SETD4: variants seen among roughly 807,000 people sequenced by gnomAD.
SETD4 encodes SET domain containing 4, also known as SET domain-containing protein 4.
In SETD4, 46 loss-of-function variants were observed where a neutral mutation model predicts 58.3. The observed-to-expected ratio is 0.79, with a 90% CI of 0.62 to 1.01. The LOEUF is 1.01. Among genes scored for constraint, SETD4 ranks in the 50% least tolerant of loss-of-function variants. The pLI, the probability that SETD4 is intolerant of heterozygous loss-of-function variation, is 0.00. For missense variants in SETD4, 490 were observed against 523.3 expected (o/e 0.94, Z 0.62); for synonymous variants, 190 against 202.6 (o/e 0.94, Z 0.53).
rs573296484 is a variant in SETD4 at position 36,041,700 on chromosome 21, C to A, written c.983+107G>T. ...TAAGTGCTCAATACCTACCCGTCAG[C>A]TGATACAGGGTCAGGAGGGGTCTCA... On this transcript the variant is annotated intron_variant, in intron 8 of 11. Transcript: ENST00000332131. 20 of 711,386 alleles carry A rather than the reference C, an allele frequency of 2.8e-5. No individual in the cohort carries two copies. The African/African-American group carries it at 3.3e-4, about 12-fold the overall frequency. 44.1% of individuals were successfully genotyped at this position (711,386 alleles called of 1,614,324 possible). A position where few individuals can be genotyped will look rare whatever the true frequency, so the allele number is the denominator to read the frequency against.
At chr21:36,055,209 T>C (rs1218972912) in intron 3 of SETD4, among the ~76,000 whole-genome samples, 1 of 152,196 alleles carries the variant, frequency 6.6e-6, no homozygotes, top group African/African-American at 2.4e-5. Context: ...TCTCCAAACA[T>C]ATATATGAAC....
At position 36,039,627 on chromosome 21, in the gene SETD4, G is replaced by A. The variant is rs763658777; in HGVS notation, c.1064+948C>T. Among the ~76,000 whole-genome samples the A allele has an allele frequency of 5.9e-5, 9 of 152,230 alleles. No homozygotes were observed. The East Asian group carries it at 1.3e-3, about 23-fold the overall frequency. Reference sequence around the variant, plus strand: ...AACCGCATGTCCCAACACTAGGTACGTTTGCATGCACCTCAGATTTGCCTC... The same window carrying A: ...AACCGCATGTCCCAACACTAGGTACATTTGCATGCACCTCAGATTTGCCTC... On this transcript the variant is annotated intron_variant, in intron 9 of 11. Transcript: ENST00000332131.
intron 4 of SETD4, chr21:36,052,863 C>G (rs920733491): frequency 6.6e-6 from 1 of 152,170 alleles, no homozygotes; most frequent in Non-Finnish European, 1.5e-5. Flanking sequence ...CAGCTGAAGG[C>G]AACTCTGGCC....
chr21:36,045,462 G>C, intron 6 of SETD4, 120 bp downstream of exon 6: 1 of 1,253,512 alleles, frequency 8.0e-7, no homozygotes, highest in Non-Finnish European at 1.1e-6. Flanking sequence ...AACCTGACAG[G>C]GTCACCTGAA....
chr21:36,059,660 C>T (rs1481258168), intron 1 of SETD4: 2 of 875,352 alleles, frequency 2.3e-6, no homozygotes, highest in Non-Finnish European at 1.4e-6. Context: ...TGCACTCCAA[C>T]CTGGGCGACA....
At chr21:36,046,131 T>A in intron 5 of SETD4, 120 bp from the exon 6 acceptor site, 1 of 1,065,662 alleles carries the variant, frequency 9.4e-7, no homozygotes, top group Non-Finnish European at 1.3e-6. Flanking sequence ...TCAGTTTACT[T>A]AACAGACTCA....
chr21:36,052,651 T>G (rs2064776323), intron 4 of SETD4, among the ~76,000 whole-genome samples: 1 of 151,970 alleles, frequency 6.6e-6, no homozygotes, highest in African/African-American at 2.4e-5. Context: ...GTGCAAGTTT[T>G]AAATAGAGAA....
At chr21:36,048,238 G>T in intron 5 of SETD4, 70 bp downstream of exon 5, 2 of 1,189,828 alleles carry the variant, frequency 1.7e-6, no homozygotes, top group South Asian at 1.2e-5. Flanking sequence ...TGTCTCAAGT[G>T]ACATATTTGC....
intron 4 of SETD4, among the ~76,000 whole-genome samples, chr21:36,048,924 T>C (rs2064492543): frequency 6.6e-6 from 1 of 152,108 alleles, no homozygotes; most frequent in Non-Finnish European, 1.5e-5. Context: ...TTCACCTATT[T>C]CTTCACTTTC....
chr21:36,045,608 G>A lies in SETD4; in HGVS notation c.700C>T (p.Leu234=), dbSNP rs780780812. ...TGGACATGTGGGCTATGATTCAGCA[G>A]GTCCAGGTACGGAGCGAGTGCACAG... ...DTCALAPYLD[L]LNHSPHVQVK... is the part of the protein sequence containing the mutation. Residue 234 remains leucine (L), a synonymous_variant, in exon 6 of 12, where the codon CTG becomes TTG. Transcript: ENST00000332131. 14 of 1,613,860 alleles carry A rather than the reference G, an allele frequency of 8.7e-6. No homozygotes were observed. Among genetic ancestry groups the A allele is most frequent in the African/African-American group, 1.3e-5 (1 of 74,914 alleles).
At position 36,058,752 on chromosome 21, in the gene SETD4, G is replaced by A. The variant is rs895019100; in HGVS notation, c.73+64C>T. 4.6e-6 allele frequency: 7 copies of A among 1,510,430 alleles called. No individual in the cohort carries two copies. In the African/African-American group the frequency reaches 7.1e-5, roughly 15 times the overall value. The allele number at this position is 1,510,430 out of a possible 1,614,324, so 93.6% of individuals were successfully genotyped here. Reference sequence around the variant, plus strand: ...AAAGAAAGAAAGAAAAGCTACGTATGAACAAACAAGCAATCACAAAAGGAT... The same window carrying A: ...AAAGAAAGAAAGAAAAGCTACGTATAAACAAACAAGCAATCACAAAAGGAT... On this transcript the variant is annotated intron_variant, in intron 2 of 11. Coordinates refer to ENST00000332131, the MANE Select transcript of SETD4 (RefSeq NM_017438.5).
chr21:36,044,909 T>C (rs1001957407), intron 6 of SETD4, among the ~76,000 whole-genome samples: 5 of 152,184 alleles, frequency 3.3e-5, no homozygotes, highest in African/African-American at 1.2e-4. Flanking sequence ...CCTCTACCCC[T>C]GCATGCCCTG....
rs1193457015 is a variant in SETD4 at position 36,045,948 on chromosome 21, A to C, written c.360T>G (p.Ala120=). 3.1e-6 allele frequency: 5 copies of C among 1,614,122 alleles called. No homozygotes were observed. The highest frequency in any genetic ancestry group is 3.4e-6 in the Non-Finnish European group (4 of 1,180,044). Residue 120 remains alanine (A), a synonymous_variant, in exon 6 of 12, where the codon GCT becomes GCG. Transcript: ENST00000332131. ...LCTFLVSEKH[A]GHRSLWKPYL... ...AAGGCTTCCAAAGAGATCGGTGCCC[A>C]GCATGCTTTTCTGAAACTAAAAAGG...
intron 5 of SETD4, among the ~76,000 whole-genome samples, chr21:36,046,730 C>T (rs2064349259): frequency 6.6e-6 from 1 of 152,208 alleles, no homozygotes; most frequent in Non-Finnish European, 1.5e-5. Flanking sequence ...TTTTTACTTG[C>T]ACAATTGCCG....
chr21:36,060,109 C>G, intron 1 of SETD4: 1 of 985,628 alleles, frequency 1.0e-6, no homozygotes, highest in Non-Finnish European at 1.2e-6. Context: ...CATCGGACCT[C>G]GGGCCTCAGG....
In SETD4 at chr21:36,053,724, G is replaced by A. The variant is rs186174068; in HGVS notation, c.170-104C>T. 3.3e-4 allele frequency: 374 copies of A among 1,125,838 alleles called. 1 individual carries two copies. The highest frequency in any genetic ancestry group is 1.5e-5 in the Non-Finnish European group (11 of 754,186). The allele number at this position is 1,125,838 out of a possible 1,614,324, so 69.7% of individuals were successfully genotyped here. On this transcript the variant is annotated intron_variant, in intron 3 of 11. Coordinates refer to ENST00000332131, the MANE Select transcript of SETD4 (RefSeq NM_017438.5). Reference sequence around the variant, plus strand: ...AATGTGAACTTCAAAATTACACAAGGCTGAAGCTGGATGTCTCTCAGCCTT... The same window carrying A: ...AATGTGAACTTCAAAATTACACAAGACTGAAGCTGGATGTCTCTCAGCCTT...
intron 7 of SETD4, chr21:36,043,561 G>A: frequency 7.3e-7 from 1 of 1,377,294 alleles, no homozygotes; most frequent in Non-Finnish European, 9.3e-7. Context: ...CTGACCCAAT[G>A]CAATGAAAAC....
chr21:36,060,316 G>A (rs182517528), intron 1 of SETD4, 31 bp downstream of exon 1: 15 of 228,778 alleles, frequency 6.6e-5, no homozygotes, highest in Non-Finnish European at 1.4e-5. Context: ...CGGGCAACTG[G>A]AGGCCCGACC....
chr21:36,047,161 A>G (rs1027333438), intron 5 of SETD4, among the ~76,000 whole-genome samples: 2 of 152,058 alleles, frequency 1.3e-5, no homozygotes, highest in African/African-American at 4.8e-5. Flanking sequence ...AGGCTGAGGC[A>G]TGAGAACTGC....
Sources: gnomAD v4.1 joint callset for allele counts (sites outside exome capture counted in the v4.1 genomes callset) on GRCh38, gnomAD v4.1.1 for gene constraint, MANE v1.5 for transcripts, NCBI Gene and HGNC (gene_info 2026-07-23, HGNC 2026-07-21) for gene names.